The following RBFOX1 variants were observed in gnomAD, a reference collection of about 807,000 sequenced individuals.
RBFOX1 encodes RNA binding protein fox-1 homolog 1.
A neutral mutation model predicts 57.7 loss-of-function variants in RBFOX1; 8 were observed. The observed-to-expected ratio is 0.14, with a 90% CI of 0.08 to 0.25. The LOEUF (loss-of-function observed/expected upper bound fraction) is 0.25. RBFOX1 is among the 10% of genes least tolerant of loss of function. The probability of loss-of-function intolerance (pLI) is 1.00; values close to 1 mark genes in which losing one functional copy is unlikely to be tolerated. For synonymous variants in RBFOX1, 326 were observed against 222.4 expected (o/e 1.47, Z -4.15); for missense variants, 611 against 548.5 (o/e 1.11, Z -1.14).
At chr16:6,939,297 A>G (rs530688435) in intron 3 of RBFOX1, among the ~76,000 whole-genome samples, 5 of 152,200 alleles carry the variant, frequency 3.3e-5, no homozygotes, top group South Asian at 2.1e-4. Flanking sequence ...TTTTGGGCCA[A>G]TTTTGCTTGA....
intron 2 of RBFOX1, among the ~76,000 whole-genome samples, chr16:6,389,884 C>G (rs564646357): frequency 6.6e-6 from 1 of 152,282 alleles, no homozygotes; most frequent in Admixed American, 6.5e-5. Context: ...CCTCTTTGAG[C>G]TACTTATGTG....
At position 7,426,332 on chromosome 16, in the gene RBFOX1, A is replaced by G. The variant is rs143130540; in HGVS notation, c.28-91815A>G. On this transcript the variant is annotated intron_variant, in intron 4 of 15. Transcript: ENST00000550418. The stretch of plus-strand genomic sequence containing the variant: ...TAGTTGCAGCTAACAAGAGGTGATT[A>G]GAGGGGAGTTGCCAGTCACCACTTA... Among the ~76,000 whole-genome samples the G allele has an allele frequency of 3.3e-5, 5 of 152,228 alleles. No individual in the cohort carries two copies. The South Asian group carries it at 1.0e-3, about 32-fold the overall frequency.
chr16:6,800,659 A>G lies in RBFOX1; in HGVS notation c.-16+146009A>G, dbSNP rs1207672800. Among the ~76,000 whole-genome samples the G allele has an allele frequency of 2.6e-5, 4 of 151,968 alleles. No homozygotes were observed. In the East Asian group the frequency reaches 7.7e-4, roughly 29 times the overall value. On this transcript the variant is annotated intron_variant, in intron 3 of 15. Coordinates refer to ENST00000550418, the MANE Select transcript of RBFOX1 (RefSeq NM_018723.4). Reference sequence around the variant, plus strand: ...TTGCAATTACTTTTTTCTCTCCCTAAAATTTTTGCCTTTTAAATCACTGGA... The same window carrying G: ...TTGCAATTACTTTTTTCTCTCCCTAGAATTTTTGCCTTTTAAATCACTGGA...
intron 3 of RBFOX1, among the ~76,000 whole-genome samples, chr16:6,833,068 C>G (rs778941439): frequency 9.2e-5 from 14 of 152,048 alleles, no homozygotes; most frequent in Non-Finnish European, 1.6e-4. Flanking sequence ...CTCTTTTCCA[C>G]CTCATGGTCT....
At chr16:5,531,092 T>A (rs1334107002) in intron 2 of RBFOX1, among the ~76,000 whole-genome samples, 1 of 151,784 alleles carries the variant, frequency 6.6e-6, no homozygotes, top group South Asian at 2.1e-4. Flanking sequence ...GCCACTGCAC[T>A]CCAGCCTGGG....
intron 4 of RBFOX1, among the ~76,000 whole-genome samples, chr16:7,440,457 A>G (rs2098757502): frequency 6.6e-6 from 1 of 152,168 alleles, no homozygotes; most frequent in Non-Finnish European, 1.5e-5. Flanking sequence ...AACCCCAGTT[A>G]ATGATGGGTA....
intron 14 of RBFOX1, among the ~76,000 whole-genome samples, chr16:7,687,605 G>A (rs983947382): frequency 1.1e-4 from 17 of 151,788 alleles, no homozygotes; most frequent in African/African-American, 3.6e-4. Flanking sequence ...CATATGGCAC[G>A]TCTAGCAATT....
At chr16:6,927,319 A>C (rs2075766223) in intron 3 of RBFOX1, among the ~76,000 whole-genome samples, 1 of 149,534 alleles carries the variant, frequency 6.7e-6, no homozygotes. Flanking sequence ...AGGTTGAGGC[A>C]CGAGAATCGC....
intron 2 of RBFOX1, among the ~76,000 whole-genome samples, chr16:6,409,550 T>C (rs1162864578): frequency 3.9e-5 from 6 of 152,232 alleles, no homozygotes; most frequent in Non-Finnish European, 8.8e-5. Flanking sequence ...TTTTTGATAA[T>C]ATACCTCCAT....
chr16:6,627,109 C>T (rs2098320564), intron 2 of RBFOX1, among the ~76,000 whole-genome samples: 1 of 152,150 alleles, frequency 6.6e-6, no homozygotes, highest in South Asian at 2.1e-4. Flanking sequence ...AACACAAAGT[C>T]CTATTGTGCC....
At chr16:7,153,923 TA>T (rs202091002) in intron 4 of RBFOX1, among the ~76,000 whole-genome samples, 1 of 151,792 alleles carries the variant, frequency 6.6e-6, no homozygotes, top group Non-Finnish European at 1.5e-5. Context: ...AACCTGGTTT[TA>T]AAAAAAACCC....
chr16:5,556,400 G>A (rs930969378), intron 2 of RBFOX1, among the ~76,000 whole-genome samples: 13 of 152,194 alleles, frequency 8.5e-5, no homozygotes, highest in African/African-American at 3.1e-4. Flanking sequence ...ATGCTAGTTT[G>A]TTCTATGGCT....
At chr16:7,308,777 C>T (rs1294351764) in intron 4 of RBFOX1, among the ~76,000 whole-genome samples, 1 of 152,204 alleles carries the variant, frequency 6.6e-6, no homozygotes, top group Non-Finnish European at 1.5e-5. Flanking sequence ...GCGAAGGCTG[C>T]AGGCGTTGGG....
chr16:5,504,791 C>T (rs2043322668), intron 2 of RBFOX1, among the ~76,000 whole-genome samples: 1 of 152,148 alleles, frequency 6.6e-6, no homozygotes, highest in Non-Finnish European at 1.5e-5. Flanking sequence ...TTGGGAAGAC[C>T]AAGGGAGTAA....
At chr16:5,656,503 G>A (rs76703616) in intron 3 of RBFOX1, among the ~76,000 whole-genome samples, 23,233 of 152,100 alleles carry the variant, frequency 0.15, 1,847 homozygotes, top group East Asian at 0.25. Context: ...AACTTGTTAA[G>A]TTTGGTGATA....
Position 6,474,583 on chromosome 16 carries a change from G to C in RBFOX1, c.-64+157526G>C, listed in dbSNP as rs759657081. On this transcript the variant is annotated intron_variant, in intron 2 of 15. Transcript: ENST00000550418. The stretch of plus-strand genomic sequence containing the variant: ...TCACCACCTTTGTTTTCTATGTCTG[G>C]GCTGTTCTATGCTACTTTAGCATGG... Among the ~76,000 whole-genome samples, 4 of 152,126 alleles carry C rather than the reference G, an allele frequency of 2.6e-5. No individual in the cohort carries two copies. In the South Asian group the frequency reaches 8.3e-4, roughly 32 times the overall value.
intron 4 of RBFOX1, among the ~76,000 whole-genome samples, chr16:7,313,667 C>G (rs2096372708): frequency 6.6e-6 from 1 of 151,110 alleles, no homozygotes; most frequent in African/African-American, 2.4e-5. Context: ...GTGACAAGCA[C>G]ACGAATAAGC....
At chr16:5,703,596 T>C (rs556456571) in intron 3 of RBFOX1, among the ~76,000 whole-genome samples, 45 of 152,348 alleles carry the variant, frequency 3.0e-4, no homozygotes, top group African/African-American at 1.0e-3. Context: ...CAGAGGTTAA[T>C]GCAGAGACTC....
intron 1 of RBFOX1, among the ~76,000 whole-genome samples, chr16:6,258,886 G>C (rs73531454): frequency 0.17 from 25,766 of 151,976 alleles, 3,626 homozygotes; most frequent in African/African-American, 0.38. Flanking sequence ...AAGATATACA[G>C]CTATCTATCC....
Sources: gnomAD v4.1 joint callset for allele counts (sites outside exome capture counted in the v4.1 genomes callset) on GRCh38, gnomAD v4.1.1 for gene constraint, MANE v1.5 for transcripts, NCBI Gene and HGNC (gene_info 2026-07-23, HGNC 2026-07-21) for gene names.